TTC27: variants seen among roughly 807,000 people sequenced by gnomAD.
TTC27 encodes tetratricopeptide repeat protein 27.
A neutral mutation model predicts 115.9 loss-of-function variants in TTC27; 79 were observed. The ratio of observed to expected loss-of-function variants is 0.68; its 90% CI spans 0.57 to 0.82. TTC27 has a LOEUF of 0.82. Among genes scored for constraint, TTC27 ranks in the 40% least tolerant of loss-of-function variants. The probability of loss-of-function intolerance (pLI) is 0.00; values close to 1 mark genes in which losing one functional copy is unlikely to be tolerated. For synonymous variants in TTC27, 401 were observed against 356.0 expected (o/e 1.13, Z -1.42); for missense variants, 1,054 against 993.1 (o/e 1.06, Z -0.82).
chr2:32,727,996 G>T (rs567279483), intron 10 of TTC27, among the ~76,000 whole-genome samples: 8 of 151,490 alleles, frequency 5.3e-5, no homozygotes, highest in Admixed American at 4.6e-4. Flanking sequence ...TTAAGGGGAC[G>T]GCTGCATGAT....
chr2:32,798,778 G>A (rs1183457391), intron 16 of TTC27, among the ~76,000 whole-genome samples: 3 of 151,836 alleles, frequency 2.0e-5, no homozygotes, highest in East Asian at 1.9e-4. Context: ...ATCCTTGTGC[G>A]CTGTTGGTGG....
At chr2:32,762,928 C>T (rs755705463) in intron 13 of TTC27, among the ~76,000 whole-genome samples, 4 of 152,212 alleles carry the variant, frequency 2.6e-5, no homozygotes, top group Admixed American at 6.5e-5. Flanking sequence ...GCGTGAGCCA[C>T]CGCGCTCAGC....
At chr2:32,756,155 A>G (rs1011340008) in intron 12 of TTC27, among the ~76,000 whole-genome samples, 1 of 152,226 alleles carries the variant, frequency 6.6e-6, no homozygotes, top group Admixed American at 6.5e-5. Context: ...ACAGACCACT[A>G]CAGTACGCTG....
At chr2:32,669,696 C>T (rs1665935562) in intron 7 of TTC27, among the ~76,000 whole-genome samples, 2 of 151,816 alleles carry the variant, frequency 1.3e-5, no homozygotes. Flanking sequence ...ACCAACCTGG[C>T]CAACATGCCG....
chr2:32,693,822 G>C lies in TTC27; in HGVS notation c.1120-8985G>C, dbSNP rs1666892766. Among the ~76,000 whole-genome samples, 3 of 152,274 alleles carry C rather than the reference G, an allele frequency of 2.0e-5. No homozygotes were observed. The South Asian group carries it at 6.2e-4, about 32-fold the overall frequency. ...TAAAGCGCTAACAAAACAAAAAATG[G>C]TACGCTGGACCATAGTTAGCACTTC... On this transcript the variant is annotated intron_variant, in intron 9 of 19. Transcript: ENST00000317907.
At chr2:32,768,482 G>T (rs545698551) in intron 13 of TTC27, among the ~76,000 whole-genome samples, 1 of 152,302 alleles carries the variant, frequency 6.6e-6, no homozygotes, top group African/African-American at 2.4e-5. Context: ...TTGTATATCA[G>T]ATATGGATGT....
At chr2:32,686,864 A>T (rs1347584303) in intron 9 of TTC27, among the ~76,000 whole-genome samples, 1 of 152,040 alleles carries the variant, frequency 6.6e-6, no homozygotes, top group Non-Finnish European at 1.5e-5. Context: ...TGTGTGTGTG[A>T]GATGGAGTCT....
intron 2 of TTC27, among the ~76,000 whole-genome samples, chr2:32,631,271 C>G (rs1026383526): frequency 6.6e-6 from 1 of 152,118 alleles, no homozygotes; most frequent in Non-Finnish European, 1.5e-5. Flanking sequence ...CCATTGCACT[C>G]TAGCCTGGGC....
chr2:32,719,001 C>G (rs536615140), intron 10 of TTC27, among the ~76,000 whole-genome samples: 2 of 152,194 alleles, frequency 1.3e-5, no homozygotes, highest in East Asian at 3.9e-4. Flanking sequence ...TTGACCAAGC[C>G]TAGGGGGCAG....
chr2:32,812,814 A>G (rs1330488377), intron 18 of TTC27, among the ~76,000 whole-genome samples, 199 bp downstream of exon 18: 3 of 152,262 alleles, frequency 2.0e-5, no homozygotes, highest in Non-Finnish European at 4.4e-5. Flanking sequence ...AAGAAGAAAC[A>G]GGATAGAGGC....
chr2:32,666,806 C>A, intron 7 of TTC27, 38 bp downstream of exon 7: 6 of 1,601,758 alleles, frequency 3.7e-6, no homozygotes, highest in Non-Finnish European at 5.1e-6. Context: ...CAATTAACAC[C>A]TGAGTCTAAG....
intron 13 of TTC27, among the ~76,000 whole-genome samples, chr2:32,770,491 A>G (rs1441664124): frequency 1.3e-5 from 2 of 152,226 alleles, no homozygotes; most frequent in Non-Finnish European, 2.9e-5. Flanking sequence ...AGTTATAAAA[A>G]GCCCTGAATA....
chr2:32,820,526 A>G (rs1378763510), intron 19 of TTC27, among the ~76,000 whole-genome samples: 1 of 152,240 alleles, frequency 6.6e-6, no homozygotes, highest in Non-Finnish European at 1.5e-5. Flanking sequence ...ATGTCTGTTC[A>G]TTCAAAAACC....
At chr2:32,675,148 A>G (rs973974375) in intron 8 of TTC27, among the ~76,000 whole-genome samples, 12 of 152,168 alleles carry the variant, frequency 7.9e-5, no homozygotes, top group African/African-American at 2.7e-4. Context: ...ATTTTTCTCA[A>G]TTCTTCAGGT....
At chr2:32,760,754 C>T (rs1292933744) in intron 13 of TTC27, among the ~76,000 whole-genome samples, 7 of 152,082 alleles carry the variant, frequency 4.6e-5, no homozygotes, top group Admixed American at 3.9e-4. Context: ...AAGTGAGTTC[C>T]CTCGCTTAGC....
chr2:32,716,955 A>C lies in TTC27; in HGVS notation c.1233+14035A>C, dbSNP rs577661814. 2.7e-5 allele frequency among the ~76,000 whole-genome samples: 4 copies of C among 150,938 alleles called. 1 individual carries two copies. The highest frequency in any genetic ancestry group is 9.7e-5 in the African/African-American group (4 of 41,082). On this transcript the variant is annotated intron_variant, in intron 10 of 19. Transcript: ENST00000317907. ...GCAGTCCTCCAGCCTTAACCTCCCAAAGTTTTGGGATTACAAGTGTGAGCC... is the reference window on the plus strand; with the variant it reads ...GCAGTCCTCCAGCCTTAACCTCCCACAGTTTTGGGATTACAAGTGTGAGCC...
intron 5 of TTC27, among the ~76,000 whole-genome samples, chr2:32,657,147 G>C (rs905692512): frequency 6.6e-6 from 1 of 151,654 alleles, no homozygotes; most frequent in East Asian, 1.9e-4. Flanking sequence ...CACCGTGCCC[G>C]GCTAATTTTT....
chr2:32,740,184 T>C (rs1668582499), intron 12 of TTC27, among the ~76,000 whole-genome samples: 1 of 152,220 alleles, frequency 6.6e-6, no homozygotes, highest in Non-Finnish European at 1.5e-5. Flanking sequence ...TCTTATTTTG[T>C]TGAGCAAATT....
intron 2 of TTC27, among the ~76,000 whole-genome samples, chr2:32,633,399 T>A (rs1438528502): frequency 1.3e-5 from 2 of 152,156 alleles, no homozygotes; most frequent in Admixed American, 1.3e-4. Flanking sequence ...TAATATTGGA[T>A]ATTGTAGACC....
Sources: gnomAD v4.1 joint callset for allele counts (sites outside exome capture counted in the v4.1 genomes callset) on GRCh38, gnomAD v4.1.1 for gene constraint, MANE v1.5 for transcripts, NCBI Gene and HGNC (gene_info 2026-07-23, HGNC 2026-07-21) for gene names.